Variants in PRAG1 observed in about 807,000 individuals in gnomAD.
PRAG1 encodes inactive tyrosine-protein kinase PRAG1.
Under a neutral mutation model 95.6 loss-of-function variants are expected in PRAG1, and 110 were observed. The ratio of observed to expected loss-of-function variants is 1.15; its 90% CI spans 0.99 to 1.35. The LOEUF is 1.35. Among genes scored for constraint, PRAG1 ranks in the 40% most tolerant of loss-of-function variants. The pLI, the probability that PRAG1 is intolerant of heterozygous loss-of-function variation, is 0.00. For missense variants in PRAG1, 2,554 were observed against 1,864.7 expected (o/e 1.37, Z -6.81); for synonymous variants, 1,052 against 819.4 (o/e 1.28, Z -4.85).
At chr8:8,351,262 T>G (rs567311829) in intron 3 of PRAG1, among the ~76,000 whole-genome samples, 17 of 152,104 alleles carry the variant, frequency 1.1e-4, no homozygotes, top group South Asian at 2.1e-4. Context: ...CACACACTCT[T>G]TTGAACAACC....
rs750562889 is a variant in PRAG1 at position 8,327,860 on chromosome 8, G to A, written c.2922C>T (p.Phe974=). The A allele has an allele frequency of 3.1e-6, 5 of 1,614,226 alleles. No homozygotes were observed. The highest frequency in any genetic ancestry group is 1.1e-5 in the South Asian group (1 of 91,084). The stretch of plus-strand genomic sequence containing the variant: ...GGAGCTCCTTTTTCTGGCCGCCCAT[G>A]AAGAGGTCCTCACATTTGGCTACAA... ...ARLVAKCEDL[F]MGGQKKELHF... Residue 974 remains phenylalanine, a synonymous_variant, in exon 5 of 6, where the codon TTC becomes TTT. Coordinates refer to ENST00000615670, the MANE Select transcript of PRAG1 (RefSeq NM_001080826.3).
chr8:8,364,206 T>C (rs151313727), intron 3 of PRAG1, among the ~76,000 whole-genome samples: 4 of 152,374 alleles, frequency 2.6e-5, no homozygotes, highest in East Asian at 1.9e-4. Context: ...CACTTTGTAA[T>C]TGTCATCAAT....
intron 3 of PRAG1, among the ~76,000 whole-genome samples, chr8:8,353,828 A>G (rs986000074): frequency 6.6e-6 from 1 of 151,982 alleles, no homozygotes; most frequent in Non-Finnish European, 1.5e-5. Context: ...AGATGAAGAA[A>G]AAGAAGAAGA....
intron 3 of PRAG1, among the ~76,000 whole-genome samples, chr8:8,373,334 T>C (rs55788031): frequency 0.024 from 3,639 of 152,270 alleles, 150 homozygotes; most frequent in African/African-American, 0.079. Flanking sequence ...CGAAAGATAA[T>C]GTCAGTAATG....
At chr8:8,349,418 C>T (rs1799448602) in intron 3 of PRAG1, among the ~76,000 whole-genome samples, 1 of 151,972 alleles carries the variant, frequency 6.6e-6, no homozygotes, top group Non-Finnish European at 1.5e-5. Flanking sequence ...GTAGCTGGTA[C>T]TACAGGCGCC....
chr8:8,378,172 T>C (rs1800499620), intron 2 of PRAG1, 94 bp from the exon 3 acceptor site: 6 of 1,410,656 alleles, frequency 4.3e-6, no homozygotes, highest in African/African-American at 2.9e-5. Flanking sequence ...AACGATACTG[T>C]AGAATGTCTT....
At position 8,376,688 on chromosome 8, in the gene PRAG1, C is replaced by T; in HGVS notation, c.1721G>A (p.Ser574Asn). ...GCTGCTGCCGCCAGAGCTCCCATCACTAAGGTCAGCCAGCGGTGACACTGG... is the reference window on the plus strand; with the variant it reads ...GCTGCTGCCGCCAGAGCTCCCATCATTAAGGTCAGCCAGCGGTGACACTGG... ...GPPVSPLADLSDGSSGGSSIG... is the reference protein window; with the variant it reads ...GPPVSPLADLNDGSSGGSSIG... Residue 574 changes from serine to asparagine, a missense_variant, in exon 3 of 6, where the codon AGT (serine) becomes AAT (asparagine). By Grantham distance (46) the Ser-to-Asn change is conservative. Transcript: ENST00000615670. 2 of 1,611,798 alleles carry T rather than the reference C, an allele frequency of 1.2e-6. No homozygotes were observed. Among genetic ancestry groups the T allele is most frequent in the Non-Finnish European group, 1.7e-6 (2 of 1,179,918 alleles).
chr8:8,355,410 C>G (rs1299366803), intron 3 of PRAG1, among the ~76,000 whole-genome samples: 2 of 151,850 alleles, frequency 1.3e-5, no homozygotes, highest in African/African-American at 4.8e-5. Context: ...ATAGAAAAAA[C>G]AATCCTAAAA....
At chr8:8,367,372 C>T (rs1475365605) in intron 3 of PRAG1, among the ~76,000 whole-genome samples, 1 of 130,672 alleles carries the variant, frequency 7.7e-6, no homozygotes, top group Non-Finnish European at 1.6e-5. Flanking sequence ...GCAGGGGAAT[C>T]GCTTGAACCC....
Position 8,356,861 on chromosome 8 carries a change from G to A in PRAG1, c.2163-17226C>T, listed in dbSNP as rs558727943. On this transcript the variant is annotated intron_variant, in intron 3 of 5. Coordinates refer to ENST00000615670, the MANE Select transcript of PRAG1 (RefSeq NM_001080826.3). The stretch of plus-strand genomic sequence containing the variant: ...ATAGACTAATGTAATAGACTAGAAC[G>A]TCCAGAAACAAACCCTCATGTATAC... Among the ~76,000 whole-genome samples the A allele has an allele frequency of 5.9e-5, 9 of 152,244 alleles. No individual in the cohort carries two copies. In the South Asian group the frequency reaches 6.2e-4, roughly 11 times the overall value.
intron 5 of PRAG1, 148 bp from the exon 6 acceptor site, chr8:8,319,450 C>T: frequency 1.9e-6 from 1 of 519,018 alleles, no homozygotes; most frequent in Non-Finnish European, 3.0e-6. Context: ...TAGAAGAAAA[C>T]ATGGGACAGA....
rs2116845247 is a variant in PRAG1 at position 8,343,008 on chromosome 8, A to G, written c.2163-3373T>C. ...GCCAACTCACATCTTTGCAACCCGC[A>G]TTACTAATAAAGTACTGGTAGGCAG... On this transcript the variant is annotated intron_variant, in intron 3 of 5. Coordinates refer to ENST00000615670, the MANE Select transcript of PRAG1 (RefSeq NM_001080826.3). Among the ~76,000 whole-genome samples the G allele has an allele frequency of 1.3e-5, 2 of 152,330 alleles. 1 individual carries two copies. The highest frequency in any genetic ancestry group is 4.1e-4 in the South Asian group (2 of 4,820).
chr8:8,375,224 G>C (rs1459859515), intron 3 of PRAG1, among the ~76,000 whole-genome samples: 1 of 138,486 alleles, frequency 7.2e-6, no homozygotes, highest in African/African-American at 2.7e-5. Flanking sequence ...TTGTTTTTTT[G>C]AGACAGTCTC....
At position 8,377,908 on chromosome 8, in the gene PRAG1, A is replaced by C. The variant is rs748796840; in HGVS notation, c.501T>G (p.Leu167=). 1.2e-6 allele frequency: 2 copies of C among 1,613,946 alleles called. No homozygotes were observed. The highest frequency in any genetic ancestry group is 2.2e-5 in the East Asian group (1 of 44,884). ...PAYTMVGLHN[L]EPRGERNIAF... ...CAATGTTCCTCTCGCCGCGGGGCTC[A>C]AGGTTGTGCAGGCCGACCATGGTGT... The change falls in exon 3 of 6, where the codon CTT becomes CTG. Residue 167 remains leucine, a synonymous_variant. Coordinates refer to ENST00000615670, the MANE Select transcript of PRAG1 (RefSeq NM_001080826.3).
intron 1 of PRAG1, among the ~76,000 whole-genome samples, chr8:8,383,542 C>T (rs549067049): frequency 6.6e-6 from 1 of 152,210 alleles, no homozygotes; most frequent in Non-Finnish European, 1.5e-5. Flanking sequence ...GATCACACCA[C>T]TGCACTCCAG....
intron 3 of PRAG1, among the ~76,000 whole-genome samples, chr8:8,358,813 G>T (rs1056968803): frequency 3.3e-5 from 5 of 152,194 alleles, no homozygotes; most frequent in Non-Finnish European, 7.3e-5. Context: ...GGACCTCACA[G>T]TCTAAGCTTA....
At position 8,319,161 on chromosome 8, in the gene PRAG1, G is replaced by T. The variant is rs764840780; in HGVS notation, c.3214C>A (p.Pro1072Thr). 2.4e-5 allele frequency: 39 copies of T among 1,604,802 alleles called. No individual in the cohort carries two copies. The highest frequency in any genetic ancestry group is 3.1e-5 in the Non-Finnish European group (36 of 1,175,390). ...GGGTGTGTGGGCAGGGCAGGCACAG[G>T]GTCCTTGGGCGCGTCGGGGGAGCTG... ...MLSSPDAPKD[P>T]VPALPTHPPA... Residue 1072 changes from proline to threonine, a missense_variant, in exon 6 of 6, where the codon CCT (proline) becomes ACT (threonine). Pro to Thr is a conservative substitution (Grantham distance 38). Coordinates refer to ENST00000615670, the MANE Select transcript of PRAG1 (RefSeq NM_001080826.3).
chr8:8,357,926 C>T (rs1799730899), intron 3 of PRAG1, among the ~76,000 whole-genome samples: 1 of 152,210 alleles, frequency 6.6e-6, no homozygotes, highest in African/African-American at 2.4e-5. Flanking sequence ...TCCACCCCAA[C>T]ACCATGCAAG....
At position 8,376,768 on chromosome 8, in the gene PRAG1, C is replaced by T; in HGVS notation, c.1641G>A (p.Lys547=). 6.2e-7 allele frequency: 1 copy of T among 1,610,716 alleles called. No homozygotes were observed. Among genetic ancestry groups the T allele is most frequent in the Non-Finnish European group, 8.5e-7 (1 of 1,179,926 alleles). ...KPKERPAIPP[K]LSKSSPVGSP... is the part of the protein sequence containing the mutation. ...ACCCTACAGGGCTACTCTTGGACAA[C>T]TTGGGGGGAATGGCGGGCCTCTCCT... The change falls in exon 3 of 6, where the codon AAG becomes AAA. Residue 547 remains lysine (K), a synonymous_variant. Transcript: ENST00000615670.
Sources: gnomAD v4.1 joint callset for allele counts (sites outside exome capture counted in the v4.1 genomes callset) on GRCh38, gnomAD v4.1.1 for gene constraint, MANE v1.5 for transcripts, NCBI Gene and HGNC (gene_info 2026-07-23, HGNC 2026-07-21) for gene names.